KCNMB2: variants seen among roughly 807,000 people sequenced by gnomAD.
The protein encoded by KCNMB2 is potassium calcium-activated channel subfamily M regulatory beta subunit 2.
KCNMB2 carries 9 observed loss-of-function variants against 24.5 expected under a neutral mutation model. The observed-to-expected ratio is 0.37, with a 90% CI of 0.22 to 0.64. The LOEUF (loss-of-function observed/expected upper bound fraction) is 0.64. Ranked by LOEUF, KCNMB2 falls within the 30% of genes least tolerant of loss-of-function variation. KCNMB2 has a pLI of 0.63. For synonymous variants in KCNMB2, 109 were observed against 104.4 expected (o/e 1.04, Z -0.27); for missense variants, 226 against 284.3 (o/e 0.79, Z 1.47).
rs1190188812 is a variant in KCNMB2 at position 178,758,659 on chromosome 3, T to A, written c.-67-48684T>A. 8.3e-5 allele frequency among the ~76,000 whole-genome samples: 6 copies of A among 72,050 alleles called. 1 individual carries two copies. Among genetic ancestry groups the A allele is most frequent in the Non-Finnish European group, 1.7e-4 (6 of 35,746 alleles). The allele number at this position is 72,050 out of a possible 152,430, so 47.3% of individuals were successfully genotyped here. A position where few individuals can be genotyped will look rare whatever the true frequency, so the allele number is the denominator to read the frequency against. On this transcript the variant is annotated intron_variant, in intron 1 of 4. Coordinates refer to ENST00000452583, the MANE Select transcript of KCNMB2 (RefSeq NM_181361.3). ...CTCTCTCCAAGAGGATATATATATA[T>A]CTCTCTCCAAGAGGATATATATATA...
chr3:178,558,449 T>C lies in KCNMB2; in HGVS notation c.-68+21738T>C, dbSNP rs371175988. On this transcript the variant is annotated intron_variant, in intron 1 of 4. Transcript: ENST00000452583. The stretch of plus-strand genomic sequence containing the variant: ...GCAATTCTCTGGGCCTGGGGTTTTT[T>C]AAATCTGTAAAACAAGATGAATAAG... Among the ~76,000 whole-genome samples, 16 of 152,326 alleles carry C rather than the reference T, an allele frequency of 1.1e-4. No individual in the cohort carries two copies. The East Asian group carries it at 1.9e-3, about 18-fold the overall frequency.
chr3:178,590,420 T>G (rs1041801074), intron 1 of KCNMB2, among the ~76,000 whole-genome samples: 1 of 152,176 alleles, frequency 6.6e-6, no homozygotes, highest in African/African-American at 2.4e-5. Context: ...TTTCAAAAAT[T>G]TTTACTTTTT....
intron 1 of KCNMB2, among the ~76,000 whole-genome samples, chr3:178,602,940 AGAGATTGGACG>A (rs1374056041): frequency 9.9e-5 from 15 of 152,150 alleles, no homozygotes; most frequent in Non-Finnish European, 2.2e-4. Flanking sequence ...TATTGGAGTT[AGAGATTGGACG>A]GGGTGGGAAG....
chr3:178,564,530 C>T (rs1432328738), intron 1 of KCNMB2, among the ~76,000 whole-genome samples: 1 of 152,152 alleles, frequency 6.6e-6, no homozygotes, highest in Non-Finnish European at 1.5e-5. Context: ...GGAAAGTAAA[C>T]AGATGGGAAT....
At chr3:178,636,558 A>G (rs1000809857) in intron 1 of KCNMB2, among the ~76,000 whole-genome samples, 5 of 152,206 alleles carry the variant, frequency 3.3e-5, no homozygotes, top group Non-Finnish European at 4.4e-5. Flanking sequence ...TGGGGACTTA[A>G]TATATAATCA....
At chr3:178,742,270 C>T (rs2108378610) in intron 1 of KCNMB2, among the ~76,000 whole-genome samples, 1 of 152,270 alleles carries the variant, frequency 6.6e-6, no homozygotes, top group Admixed American at 6.5e-5. Context: ...TGGAATAGCA[C>T]ATTCTTTCAA....
chr3:178,758,528 A>G lies in KCNMB2; in HGVS notation c.-67-48815A>G, dbSNP rs1486936776. 5.3e-3 allele frequency among the ~76,000 whole-genome samples: 148 copies of G among 28,022 alleles called. 10 individuals are homozygous for G. The highest frequency in any genetic ancestry group is 0.032 in the East Asian group (28 of 866). The allele number at this position is 28,022 out of a possible 152,430, so 18.4% of individuals were successfully genotyped here. On this transcript the variant is annotated intron_variant, in intron 1 of 4. Transcript: ENST00000452583. The stretch of plus-strand genomic sequence containing the variant: ...TATATATATCTCCAAGAGGAGATGT[A>G]TATATATATATATATATATATATCC...
chr3:178,591,227 C>T (rs1717659573), intron 1 of KCNMB2, among the ~76,000 whole-genome samples: 1 of 152,158 alleles, frequency 6.6e-6, no homozygotes, highest in Admixed American at 6.5e-5. Context: ...ATAATCAATA[C>T]TCAATGGTTA....
Position 178,798,307 on chromosome 3 carries a change from C to T in KCNMB2, c.-67-9036C>T, listed in dbSNP as rs531434618. Reference sequence around the variant, plus strand: ...GGCTTTTATTATTTTGAGGTATGTTCCTTCAATACCTAGTTTATTAAGAGT... The same window carrying T: ...GGCTTTTATTATTTTGAGGTATGTTTCTTCAATACCTAGTTTATTAAGAGT... On this transcript the variant is annotated intron_variant, in intron 1 of 4. Transcript: ENST00000452583. Among the ~76,000 whole-genome samples the T allele has an allele frequency of 4.8e-4, 73 of 152,180 alleles. 1 individual carries two copies. The highest frequency in any genetic ancestry group is 1.7e-3 in the African/African-American group (71 of 41,508).
intron 3 of KCNMB2, among the ~76,000 whole-genome samples, chr3:178,826,021 T>C (rs4076995): frequency 0.63 from 96,137 of 152,050 alleles, 31,862 homozygotes; most frequent in African/African-American, 0.83. Flanking sequence ...AATATACTCA[T>C]TATAAAAACG....
Position 178,621,504 on chromosome 3 carries a change from T to C in KCNMB2, c.-68+84793T>C, listed in dbSNP as rs189375668. ...CACCCTTCTCTTTCTGATATCTTTG[T>C]TCATTATTTCTTTGGGTCTCTGCTT... On this transcript the variant is annotated intron_variant, in intron 1 of 4. Transcript: ENST00000452583. Among the ~76,000 whole-genome samples, 13 of 152,246 alleles carry C rather than the reference T, an allele frequency of 8.5e-5. No homozygotes were observed. In the East Asian group the frequency reaches 2.3e-3, roughly 27 times the overall value.
At chr3:178,799,060 C>T (rs1027689134) in intron 1 of KCNMB2, among the ~76,000 whole-genome samples, 2 of 151,796 alleles carry the variant, frequency 1.3e-5, no homozygotes, top group African/African-American at 4.8e-5. Context: ...ATGACATACC[C>T]ATAGCTGATA....
chr3:178,642,533 C>A (rs1577067565), intron 1 of KCNMB2, among the ~76,000 whole-genome samples: 1 of 152,262 alleles, frequency 6.6e-6, no homozygotes. Flanking sequence ...TTTTCAAGTG[C>A]AATAGAAATG....
chr3:178,768,571 A>T (rs559795214), intron 1 of KCNMB2, among the ~76,000 whole-genome samples: 2 of 152,312 alleles, frequency 1.3e-5, no homozygotes, highest in South Asian at 4.1e-4. Flanking sequence ...AAAACCTGAC[A>T]AAATGTTCTT....
At chr3:178,590,187 C>G (rs948136247) in intron 1 of KCNMB2, among the ~76,000 whole-genome samples, 2 of 152,142 alleles carry the variant, frequency 1.3e-5, no homozygotes, top group Non-Finnish European at 2.9e-5. Flanking sequence ...CCTTCCTTCT[C>G]TCTCTTATTT....
chr3:178,829,188 AT>A (rs1479718016), intron 4 of KCNMB2, among the ~76,000 whole-genome samples: 1 of 152,162 alleles, frequency 6.6e-6, no homozygotes, highest in Non-Finnish European at 1.5e-5. Context: ...TGTGGTAACA[AT>A]TCGATATGCA....
intron 4 of KCNMB2, 24 bp from the exon 5 acceptor site, chr3:178,842,628 TA>T: frequency 6.6e-7 from 1 of 1,506,950 alleles, no homozygotes; most frequent in Non-Finnish European, 9.2e-7. Flanking sequence ...TATCTTCTAG[TA>T]ACAGTTTATC....
intron 1 of KCNMB2, among the ~76,000 whole-genome samples, chr3:178,565,203 A>T (rs2108469153): frequency 6.6e-6 from 1 of 152,286 alleles, no homozygotes; most frequent in African/African-American, 2.4e-5. Context: ...AGCAGAAGAG[A>T]CCACATCCTA....
chr3:178,664,898 A>C (rs912811824), intron 1 of KCNMB2, among the ~76,000 whole-genome samples: 1 of 152,174 alleles, frequency 6.6e-6, no homozygotes, highest in African/African-American at 2.4e-5. Context: ...ACAAAGGACG[A>C]TCTATACAAA....
Sources: gnomAD v4.1 joint callset for allele counts (sites outside exome capture counted in the v4.1 genomes callset) on GRCh38, gnomAD v4.1.1 for gene constraint, MANE v1.5 for transcripts, NCBI Gene and HGNC (gene_info 2026-07-23, HGNC 2026-07-21) for gene names.